The following TRIM5 variants were observed in gnomAD, a reference collection of about 807,000 sequenced individuals.
The protein encoded by TRIM5 is tripartite motif containing 5, also known as tripartite motif-containing protein 5.
Under a neutral mutation model 35.6 loss-of-function variants are expected in TRIM5, and 31 were observed. The ratio of observed to expected loss-of-function variants is 0.87; its 90% CI spans 0.65 to 1.18. The LOEUF is 1.18. Among genes scored for constraint, TRIM5 ranks in the 50% most tolerant of loss-of-function variants. TRIM5 has a pLI of 0.00. For synonymous variants in TRIM5, 243 were observed against 215.6 expected, an observed-to-expected ratio of 1.13 and a Z score of -1.11; for missense variants, 609 against 591.6, an observed-to-expected ratio of 1.03 and a Z score of -0.31.
chr11:5,633,745 C>A, the TRIM5 span: 1 of 1,520,084 alleles, frequency 6.6e-7, no homozygotes. Flanking sequence ...CCTGTTTGTC[C>A]TCTATCCAGA....
chr11:5,650,635 T>C, the TRIM5 span, among the ~76,000 whole-genome samples: 9 of 152,228 alleles, frequency 5.9e-5, no homozygotes, highest in African/African-American at 2.2e-4. Flanking sequence ...TATTTTGTTT[T>C]AGGGCCTGCT....
the TRIM5 span, chr11:5,603,541 A>T: frequency 6.2e-7 from 1 of 1,614,098 alleles, no homozygotes; most frequent in South Asian, 1.1e-5. Context: ...TCTGGCCAAC[A>T]TAGTGAGGCG....
At chr11:5,654,742 G>A in the TRIM5 span, among the ~76,000 whole-genome samples, 16,102 of 152,090 alleles carry the variant, frequency 0.11, 1,273 homozygotes, top group East Asian at 0.42. Context: ...ATGCATTGAG[G>A]TAAGTATCCA....
the TRIM5 span, among the ~76,000 whole-genome samples, chr11:5,615,816 C>CT: frequency 6.6e-6 from 1 of 152,074 alleles, no homozygotes; most frequent in Non-Finnish European, 1.5e-5. Flanking sequence ...TGGTCTCGAA[C>CT]TCCTGACCTC....
chr11:5,658,527 C>T (rs1048959510), downstream of TRIM5, among the ~76,000 whole-genome samples: 2 of 152,254 alleles, frequency 1.3e-5, no homozygotes, highest in Non-Finnish European at 2.9e-5. Context: ...AAGCCACCTG[C>T]AGGCAGCAAA....
the TRIM5 span, among the ~76,000 whole-genome samples, chr11:5,608,847 A>ATTT: frequency 9.8e-5 from 10 of 101,886 alleles, 2 homozygotes; most frequent in East Asian, 1.3e-3. Flanking sequence ...TTGCCCATAA[A>ATTT]TTTTTTTTTT....
At chr11:5,646,363 G>A in the TRIM5 span, among the ~76,000 whole-genome samples, 2 of 152,198 alleles carry the variant, frequency 1.3e-5, no homozygotes, top group African/African-American at 4.8e-5. Flanking sequence ...ATGAATTTGC[G>A]AATAATAGCA....
At chr11:5,657,675 A>AATATATATATATATTTATAATATAAT in the TRIM5 span, among the ~76,000 whole-genome samples, 105 of 118,990 alleles carry the variant, frequency 8.8e-4, 1 homozygote, top group Admixed American at 2.1e-3. Flanking sequence ...TTTATAATAT[A>AATATATATATATATTTATAATATAAT]ATATATATAT....
At chr11:5,596,639 A>G in the TRIM5 span, 2 of 422,120 alleles carry the variant, frequency 4.7e-6, no homozygotes, top group Non-Finnish European at 8.3e-6. Context: ...CTCCTCCCAG[A>G]AGGAGTTGGG....
intron 4 of TRIM5, 117 bp downstream of exon 4, chr11:5,678,087 A>T: frequency 1.3e-6 from 1 of 799,870 alleles, no homozygotes. Context: ...CAATTGATTC[A>T]GAAAAGCGGT....
chr11:5,613,094 C>T, the TRIM5 span: 4 of 152,270 alleles, frequency 2.6e-5, no homozygotes, highest in African/African-American at 9.6e-5. Flanking sequence ...GTGTAAAAGC[C>T]TATGGACTCA....
chr11:5,674,018 GAAAT>G (rs1851757312), intron 4 of TRIM5, among the ~76,000 whole-genome samples: 1 of 151,718 alleles, frequency 6.6e-6, no homozygotes, highest in African/African-American at 2.4e-5. Flanking sequence ...CGAAAAAGAT[GAAAT>G]AATAAAGATC....
the TRIM5 span, among the ~76,000 whole-genome samples, chr11:5,653,488 T>G: frequency 2.0e-5 from 3 of 146,998 alleles, no homozygotes; most frequent in African/African-American, 2.6e-5. Context: ...TTTTTTTTTG[T>G]TTTTTTTGTT....
At chr11:5,605,215 C>T in the TRIM5 span, 1 of 1,308,042 alleles carries the variant, frequency 7.6e-7, no homozygotes, top group African/African-American at 1.4e-5. Flanking sequence ...CAGCATTTAC[C>T]CTCCCTCTCC....
the TRIM5 span, chr11:5,610,420 C>T: frequency 6.3e-7 from 1 of 1,592,922 alleles, no homozygotes; most frequent in Non-Finnish European, 8.6e-7. Context: ...ATGAAATGGC[C>T]AGGTGACATC....
At chr11:5,647,550 T>G in the TRIM5 span, among the ~76,000 whole-genome samples, 1 of 152,094 alleles carries the variant, frequency 6.6e-6, no homozygotes, top group Non-Finnish European at 1.5e-5. Flanking sequence ...TGAGACAAAG[T>G]CTCACTCTGT....
the TRIM5 span, chr11:5,633,948 C>T: frequency 3.1e-6 from 5 of 1,601,384 alleles, no homozygotes; most frequent in African/African-American, 4.0e-5. Flanking sequence ...TTGACAGGAC[C>T]TTAATCCAAG....
the TRIM5 span, among the ~76,000 whole-genome samples, chr11:5,621,598 T>C: frequency 6.6e-6 from 1 of 152,198 alleles, no homozygotes; most frequent in Non-Finnish European, 1.5e-5. Flanking sequence ...ACCATTAATA[T>C]ATTATATGTT....
At chr11:5,659,250 C>T (rs1053050611), downstream of TRIM5, among the ~76,000 whole-genome samples, 1 of 152,110 alleles carries the variant, frequency 6.6e-6, no homozygotes, top group East Asian at 1.9e-4. Flanking sequence ...ACAGCCTGCC[C>T]GTCTGCATTC....
Sources: allele counts gnomAD v4.1 joint callset (sites outside exome capture counted in the v4.1 genomes callset), GRCh38; gene constraint gnomAD v4.1.1; transcripts MANE v1.5; gene names NCBI Gene and HGNC (gene_info 2026-07-23, HGNC 2026-07-21).